SPECC1: variants seen among roughly 807,000 people sequenced by gnomAD.
SPECC1 encodes the protein sperm antigen with calponin homology and coiled-coil domains 1, also known as cytospin-B.
In SPECC1, 62 loss-of-function variants were observed where a neutral mutation model predicts 104.1. The ratio of observed to expected loss-of-function variants is 0.60; its 90% confidence interval spans 0.49 to 0.74. SPECC1 has a LOEUF of 0.74. Among genes scored for constraint, SPECC1 ranks in the 30% least tolerant of loss-of-function variants. The pLI is 0.00. For synonymous variants in SPECC1, 513 were observed against 501.6 expected (o/e 1.02, Z -0.30); for missense variants, 1,306 against 1,310.5 (o/e 1.00, Z 0.05).
At chr17:20,091,492 G>A (rs778199771) in intron 1 of SPECC1, among the ~76,000 whole-genome samples, 8 of 152,112 alleles carry the variant, frequency 5.3e-5, no homozygotes, top group African/African-American at 1.2e-4. Context: ...TTGGGTTACC[G>A]ATGTCTAGCA....
chr17:20,268,359 C>G (rs1026927791), intron 12 of SPECC1, among the ~76,000 whole-genome samples: 1 of 152,156 alleles, frequency 6.6e-6, no homozygotes, highest in Non-Finnish European at 1.5e-5. Context: ...GAAAGAACAC[C>G]CATGTTGCAG....
chr17:20,262,012 C>G (rs768797290), intron 12 of SPECC1, among the ~76,000 whole-genome samples: 1 of 152,040 alleles, frequency 6.6e-6, no homozygotes, highest in Non-Finnish European at 1.5e-5. Context: ...TCCGTAAGTA[C>G]TATGTTAGTA....
chr17:20,043,394 A>G (rs1461205612), intron 1 of SPECC1, among the ~76,000 whole-genome samples: 1 of 152,240 alleles, frequency 6.6e-6, no homozygotes, highest in African/African-American at 2.4e-5. Flanking sequence ...TAAGGTTTAC[A>G]AAATGATAAT....
At chr17:20,159,418 A>G (rs947557765) in intron 3 of SPECC1, among the ~76,000 whole-genome samples, 2 of 152,270 alleles carry the variant, frequency 1.3e-5, no homozygotes, top group Non-Finnish European at 2.9e-5. Context: ...TGACTGCCAC[A>G]GGACCTCAGT....
chr17:20,059,610 A>C (rs2046106919), intron 1 of SPECC1, among the ~76,000 whole-genome samples: 1 of 152,134 alleles, frequency 6.6e-6, no homozygotes, highest in Non-Finnish European at 1.5e-5. Flanking sequence ...GTCCTCCTTC[A>C]CTTTAGATCC....
chr17:20,058,683 A>T (rs902479399), intron 1 of SPECC1, among the ~76,000 whole-genome samples: 3 of 152,062 alleles, frequency 2.0e-5, no homozygotes, highest in African/African-American at 4.8e-5. Context: ...TTCATTTTTT[A>T]GCATTGAATG....
chr17:20,236,655 C>CTTTTTT (rs34779112), intron 7 of SPECC1, among the ~76,000 whole-genome samples: 2 of 126,032 alleles, frequency 1.6e-5, no homozygotes, highest in African/African-American at 5.9e-5. Context: ...TGCAGTCTGG[C>CTTTTTT]TTTTTTTTTT....
intron 1 of SPECC1, among the ~76,000 whole-genome samples, chr17:20,040,182 C>T (rs1567807683): frequency 6.6e-6 from 1 of 151,968 alleles, no homozygotes; most frequent in African/African-American, 2.4e-5. Context: ...CATATACACA[C>T]ATATATTTAT....
intron 3 of SPECC1, among the ~76,000 whole-genome samples, chr17:20,190,794 A>G (rs543455702): frequency 5.0e-4 from 76 of 152,040 alleles, no homozygotes; most frequent in Non-Finnish European, 7.7e-4. Context: ...CAATTCTCCC[A>G]CCTTGCCTCC....
At chr17:20,078,849 A>G (rs925540587) in intron 1 of SPECC1, among the ~76,000 whole-genome samples, 2 of 152,324 alleles carry the variant, frequency 1.3e-5, no homozygotes, top group Admixed American at 6.5e-5. Context: ...TGGAGAGAGA[A>G]GTAGACTAAG....
At chr17:20,277,324 A>C (rs2040606107) in intron 12 of SPECC1, among the ~76,000 whole-genome samples, 1 of 152,238 alleles carries the variant, frequency 6.6e-6, no homozygotes. Context: ...GAAACTCTCC[A>C]ACCTAATTGG....
chr17:20,222,844 TCTCTGTC>T (rs2037970083), intron 4 of SPECC1, among the ~76,000 whole-genome samples: 1 of 152,218 alleles, frequency 6.6e-6, no homozygotes, highest in Non-Finnish European at 1.5e-5. Context: ...AGTCTCTATT[TCTCTGTC>T]ATGTTTGACA....
At chr17:20,293,467 G>C in intron 12 of SPECC1, among the ~76,000 whole-genome samples, 1 of 152,182 alleles carries the variant, frequency 6.6e-6, no homozygotes, top group East Asian at 1.9e-4. Context: ...AGGGCAGTCA[G>C]AGAGTTAACT....
intron 1 of SPECC1, among the ~76,000 whole-genome samples, chr17:20,085,807 C>T (rs2047154484): frequency 2.0e-5 from 3 of 152,226 alleles, no homozygotes; most frequent in African/African-American, 7.2e-5. Context: ...ACTCCCGCTG[C>T]ATGTGCGAGT....
rs1172291191 is a variant in SPECC1 at position 20,009,466 on chromosome 17, C to T, written c.-22+42C>T. The stretch of plus-strand genomic sequence containing the variant: ...CCGCCAGCCCGCCCGCCGGCCGGCT[C>T]TTTGCGCCTCAGCCGCGTGGTCTGA... On this transcript the variant is annotated intron_variant, in intron 1 of 14. Transcript: ENST00000395527. The surrounding 1 kb of genome is among the most constrained non-coding windows in gnomAD (Gnocchi z 5.2). The T allele has an allele frequency of 1.3e-5, 2 of 152,210 alleles. No individual in the cohort carries two copies. The highest frequency in any genetic ancestry group is 2.9e-5 in the Non-Finnish European group (2 of 68,088). The allele number at this position is 152,210 out of a possible 1,614,324, so 9.4% of individuals were successfully genotyped here. A position where few individuals can be genotyped will look rare whatever the true frequency, so the allele number is the denominator to read the frequency against.
In SPECC1 at chr17:20,316,474, C is replaced by G. The variant is rs2042041445; in HGVS notation, c.*2409C>G. ...CTCCGCCGCCCGTGTTTAAGCGATTCTCCTGCCTCAGCCTCCCATGTGGCT... is the reference window on the plus strand; with the variant it reads ...CTCCGCCGCCCGTGTTTAAGCGATTGTCCTGCCTCAGCCTCCCATGTGGCT... On this transcript the variant is annotated 3_prime_UTR_variant, in exon 15 of 15. Coordinates refer to ENST00000395527, the MANE Select transcript of SPECC1 (RefSeq NM_001243439.2). The G allele has an allele frequency of 5.2e-6, 1 of 191,510 alleles. No individual in the cohort carries two copies. Among genetic ancestry groups the G allele is most frequent in the Admixed American group, 6.2e-5 (1 of 16,248 alleles). The allele number at this position is 191,510 out of a possible 1,614,324, so 11.9% of individuals were successfully genotyped here.
intron 7 of SPECC1, among the ~76,000 whole-genome samples, chr17:20,244,684 G>T (rs1473587984): frequency 6.8e-6 from 1 of 146,750 alleles, no homozygotes; most frequent in East Asian, 1.9e-4. Flanking sequence ...ATTTGAAAAT[G>T]ATCAGTAAAT....
chr17:20,179,702 A>G (rs559543501), intron 3 of SPECC1, among the ~76,000 whole-genome samples: 17 of 152,360 alleles, frequency 1.1e-4, no homozygotes, highest in Admixed American at 7.2e-4. Context: ...ATTTGAACAA[A>G]TATTCAGATG....
intron 3 of SPECC1, among the ~76,000 whole-genome samples, chr17:20,141,129 C>T (rs1279727554): frequency 2.0e-5 from 3 of 152,192 alleles, no homozygotes; most frequent in Non-Finnish European, 4.4e-5. Context: ...TGGAAAGGAC[C>T]CGCTCATAGT....
Sources: allele counts gnomAD v4.1 joint callset (sites outside exome capture counted in the v4.1 genomes callset), GRCh38; gene constraint gnomAD v4.1.1; non-coding constraint Gnocchi (gnomAD v3.1); transcripts MANE v1.5; gene names NCBI Gene and HGNC (gene_info 2026-07-23, HGNC 2026-07-21).